The following CHFR variants were observed in gnomAD, a reference collection of about 807,000 sequenced individuals.
The protein encoded by CHFR is checkpoint with forkhead and ring finger domains, also known as E3 ubiquitin-protein ligase CHFR.
A neutral mutation model predicts 87.6 loss-of-function variants in CHFR; 57 were observed. The ratio of observed to expected loss-of-function variants is 0.65; its 90% CI spans 0.53 to 0.81. The LOEUF is 0.81. Ranked by LOEUF, CHFR falls within the 30% of genes least tolerant of loss-of-function variation. The probability of loss-of-function intolerance (pLI) is 0.00; values close to 1 mark genes in which losing one functional copy is unlikely to be tolerated. For synonymous variants in CHFR, 381 were observed against 359.2 expected (o/e 1.06, Z -0.69); for missense variants, 797 against 865.8 (o/e 0.92, Z 1.00).
rs1950631972 is a variant in CHFR at position 132,834,190 on chromosome 12, T to C, written c.*7364A>G. 1.3e-5 allele frequency: 2 copies of C among 152,092 alleles called. No homozygotes were observed. The highest frequency in any genetic ancestry group is 4.9e-5 in the African/African-American group (2 of 41,224). 9.4% of individuals were successfully genotyped at this position (152,092 alleles called of 1,614,324 possible). A position where few individuals can be genotyped will look rare whatever the true frequency, so the allele number is the denominator to read the frequency against. ...GGGTCCCCACTGGAAACAGCTCTCT[T>C]TGACAACATGAATCTGGGATGTTTG... On this transcript the variant is annotated 3_prime_UTR_variant, in exon 18 of 18. Coordinates refer to ENST00000450056, the MANE Select transcript of CHFR (RefSeq NM_001161346.2).
intron 2 of CHFR, among the ~76,000 whole-genome samples, chr12:132,879,063 G>A (rs1183196721): frequency 1.4e-5 from 2 of 146,620 alleles, no homozygotes; most frequent in Non-Finnish European, 3.0e-5. Context: ...GGAGTGCAGT[G>A]GCACCATCTC....
At chr12:132,866,248 A>G (rs1951332924) in intron 6 of CHFR, 1 of 152,232 alleles carries the variant, frequency 6.6e-6, no homozygotes, top group African/African-American at 2.4e-5. Flanking sequence ...CTCCCAGGTG[A>G]GTCCCGAAAT....
chr12:132,845,911 G>T (rs923045944), intron 15 of CHFR, among the ~76,000 whole-genome samples: 2 of 152,184 alleles, frequency 1.3e-5, no homozygotes, highest in Admixed American at 6.5e-5. Context: ...GTCAGTAACA[G>T]TATGAACCTG....
rs141275031 is a variant in CHFR, at chr12:132,885,861, T to C, written c.133+1335A>G. ...GGCCTCTGCTCTTCACCAAACCTCC[T>C]AGTCTATCAAGTAAAGACAAAGGGA... On this transcript the variant is annotated intron_variant, in intron 2 of 17. Coordinates refer to ENST00000450056, the MANE Select transcript of CHFR (RefSeq NM_001161346.2). Among the ~76,000 whole-genome samples, 16 of 152,328 alleles carry C rather than the reference T, an allele frequency of 1.1e-4. 1 individual carries two copies. The East Asian group carries it at 3.1e-3, about 29-fold the overall frequency.
chr12:132,887,396 G>C, intron 1 of CHFR, 56 bp from the exon 2 acceptor site: 1 of 1,208,862 alleles, frequency 8.3e-7, no homozygotes, highest in Non-Finnish European at 1.0e-6. Flanking sequence ...GCCGAGACTC[G>C]GCGCCCGCCC....
intron 4 of CHFR, among the ~76,000 whole-genome samples, chr12:132,871,043 C>G (rs1304491228): frequency 6.6e-6 from 1 of 152,246 alleles, no homozygotes; most frequent in African/African-American, 2.4e-5. Flanking sequence ...TAATTTCAAA[C>G]TACACAAAGG....
rs370250880 is a variant in CHFR at position 132,869,611 on chromosome 12, G to C, written c.583+8C>G. The C allele has an allele frequency of 3.9e-6, 6 of 1,550,992 alleles. No homozygotes were observed. The Admixed American group carries it at 5.9e-5, about 15-fold the overall frequency. The stretch of plus-strand genomic sequence containing the variant: ...CCAGCACCAAGACCTCATGAGATGT[G>C]ACCTCACCACAACTGGAGGAACGCT... On this transcript the variant is annotated splice_region_variant and intron_variant, in intron 6 of 17. Transcript: ENST00000450056.
Position 132,836,404 on chromosome 12 carries a change from C to T in CHFR, c.*5150G>A, listed in dbSNP as rs1446479095. ...TCACAGTGACAGGCTCCCAGCACGGCGCTCGGCCCTCACAGTGACAGGCTC... is the reference window on the plus strand; with the variant it reads ...TCACAGTGACAGGCTCCCAGCACGGTGCTCGGCCCTCACAGTGACAGGCTC... On this transcript the variant is annotated 3_prime_UTR_variant, in exon 18 of 18. Coordinates refer to ENST00000450056, the MANE Select transcript of CHFR (RefSeq NM_001161346.2). 3.1e-6 allele frequency: 1 copy of T among 325,588 alleles called. No individual in the cohort carries two copies. Among genetic ancestry groups the T allele is most frequent in the Non-Finnish European group, 5.5e-6 (1 of 180,280 alleles). The allele number at this position is 325,588 out of a possible 1,614,324, so 20.2% of individuals were successfully genotyped here.
In CHFR at chr12:132,840,092, C is replaced by T. The variant is rs1950683960; in HGVS notation, c.*1462G>A. ...CTCCCCTCTCAGCCCCACCCTTGCA[C>T]AAACTCAGGGTCTCTGCATTGTGGC... On this transcript the variant is annotated 3_prime_UTR_variant, in exon 18 of 18. Transcript: ENST00000450056. 2 of 156,568 alleles carry T rather than the reference C, an allele frequency of 1.3e-5. No individual in the cohort carries two copies. The highest frequency in any genetic ancestry group is 3.3e-4 in the South Asian group (2 of 6,108). 9.7% of individuals were successfully genotyped at this position (156,568 alleles called of 1,614,324 possible).
At chr12:132,845,988 G>C (rs917602836) in intron 15 of CHFR, among the ~76,000 whole-genome samples, 1 of 152,208 alleles carries the variant, frequency 6.6e-6, no homozygotes, top group African/African-American at 2.4e-5. Flanking sequence ...AATATGAAGG[G>C]CTGTAGAAGC....
Position 132,836,881 on chromosome 12 carries a change from C to A in CHFR, c.*4673G>T. The A allele has an allele frequency of 2.5e-6, 1 of 400,900 alleles. No homozygotes were observed. The highest frequency in any genetic ancestry group is 2.9e-5 in the Admixed American group (1 of 33,920). 24.8% of individuals were successfully genotyped at this position (400,900 alleles called of 1,614,324 possible). On this transcript the variant is annotated 3_prime_UTR_variant, in exon 18 of 18. Coordinates refer to ENST00000450056, the MANE Select transcript of CHFR (RefSeq NM_001161346.2). ...CTGCCCTGGGGCCAAACATTTCAGA[C>A]AAATAAACAACAGTGGGCAGACAGG...
At chr12:132,886,423 G>A (rs1264697616) in intron 2 of CHFR, among the ~76,000 whole-genome samples, 1 of 150,330 alleles carries the variant, frequency 6.7e-6, no homozygotes, top group Non-Finnish European at 1.5e-5. Context: ...TCCCATCCTC[G>A]CTCCTTTTTA....
Position 132,837,292 on chromosome 12 carries a change from G to A in CHFR, c.*4262C>T, listed in dbSNP as rs1950655234. 5.5e-6 allele frequency: 1 copy of A among 180,390 alleles called. No homozygotes were observed. Among genetic ancestry groups the A allele is most frequent in the African/African-American group, 2.4e-5 (1 of 41,666 alleles). 11.2% of individuals were successfully genotyped at this position (180,390 alleles called of 1,614,324 possible). ...TACTTATTTCTCATGATTATATGCT[G>A]GCTGCCTGGTGCAGCACTGTGCTGG... On this transcript the variant is annotated 3_prime_UTR_variant, in exon 18 of 18. Transcript: ENST00000450056.
chr12:132,843,900 G>A, intron 16 of CHFR, 127 bp downstream of exon 16: 1 of 582,312 alleles, frequency 1.7e-6, no homozygotes, highest in South Asian at 1.9e-5. Flanking sequence ...AGTGAGCCGA[G>A]ATTGCACCAC....
At chr12:132,887,441 ACGCAGCCC>A in intron 1 of CHFR, 98 bp downstream of exon 1, 2 of 919,086 alleles carry the variant, frequency 2.2e-6, no homozygotes, top group Non-Finnish European at 2.7e-6. Context: ...GCCCGCGCCC[ACGCAGCCC>A]CGCAGCCCGG....
At chr12:132,845,141 A>T (rs1234424965) in intron 15 of CHFR, among the ~76,000 whole-genome samples, 1 of 152,136 alleles carries the variant, frequency 6.6e-6, no homozygotes, top group Non-Finnish European at 1.5e-5. Flanking sequence ...ACACAAATGA[A>T]AATGTGCTAT....
chr12:132,872,940 G>C (rs1169460912), intron 3 of CHFR, among the ~76,000 whole-genome samples: 1 of 152,224 alleles, frequency 6.6e-6, no homozygotes, highest in Non-Finnish European at 1.5e-5. Flanking sequence ...TGCCCAGGGA[G>C]AGGCCAATGC....
intron 2 of CHFR, 32 bp downstream of exon 2, chr12:132,887,164 C>T: frequency 1.4e-6 from 2 of 1,452,910 alleles, no homozygotes; most frequent in Non-Finnish European, 1.8e-6. Context: ...TCTGCCCGGC[C>T]CCGGCCCCCG....
chr12:132,861,829 G>C, intron 6 of CHFR, 195 bp from the exon 7 acceptor site: 1 of 563,738 alleles, frequency 1.8e-6, no homozygotes, highest in South Asian at 2.3e-5. Flanking sequence ...ATCTCTACGT[G>C]GGGTGGAGCT....
Sources: gnomAD v4.1 joint callset for allele counts (sites outside exome capture counted in the v4.1 genomes callset) on GRCh38, gnomAD v4.1.1 for gene constraint, MANE v1.5 for transcripts, NCBI Gene and HGNC (gene_info 2026-07-23, HGNC 2026-07-21) for gene names.